The following PDZRN4 variants were observed in gnomAD, a reference collection of about 807,000 sequenced individuals.
PDZRN4 encodes the protein PDZ domain containing ring finger 4, also known as PDZ domain-containing RING finger protein 4.
PDZRN4 carries 70 observed loss-of-function variants against 99.0 expected under a neutral mutation model. The observed-to-expected ratio is 0.71, with a 90% confidence interval of 0.58 to 0.86. The LOEUF (loss-of-function observed/expected upper bound fraction) is 0.86, where lower values mean the gene tolerates loss of function less well. Ranked by LOEUF, PDZRN4 falls within the 40% of genes least tolerant of loss-of-function variation. PDZRN4 has a pLI of 0.00. For missense variants in PDZRN4, 1,474 were observed against 1,331.2 expected (o/e 1.11, Z -1.67); for synonymous variants, 551 against 501.6 (o/e 1.10, Z -1.32).
intron 5 of PDZRN4, among the ~76,000 whole-genome samples, chr12:41,512,590 G>A (rs1279954020): frequency 6.6e-6 from 1 of 152,030 alleles, no homozygotes; most frequent in African/African-American, 2.4e-5. Context: ...GTTTTGTGGA[G>A]CCTTTGGCTT....
chr12:41,425,554 GT>G (rs1388071609), intron 3 of PDZRN4, among the ~76,000 whole-genome samples: 1 of 151,996 alleles, frequency 6.6e-6, no homozygotes, highest in Admixed American at 6.6e-5. Context: ...ATATAATTGT[GT>G]TTTTCTCCAA....
Position 41,573,951 on chromosome 12 carries a change from T to G in PDZRN4, c.*61T>G, listed in dbSNP as rs1939533739. ...GGATGCTACCAGTTTCGGTAGAGTA[T>G]GATTGCCTCGTTCAATGTGGCGTTT... is the stretch of plus-strand genomic sequence containing the variant. On this transcript the variant is annotated 3_prime_UTR_variant, in exon 10 of 10. Transcript: ENST00000402685. The G allele has an allele frequency of 8.3e-7, 1 of 1,207,568 alleles. No individual in the cohort carries two copies. Among genetic ancestry groups the G allele is most frequent in the Non-Finnish European group, 1.1e-6 (1 of 872,666 alleles). 74.8% of individuals were successfully genotyped at this position (1,207,568 alleles called of 1,614,324 possible).
At chr12:41,569,375 T>C (rs1939436104) in intron 9 of PDZRN4, among the ~76,000 whole-genome samples, 1 of 151,020 alleles carries the variant, frequency 6.6e-6, no homozygotes, top group Non-Finnish European at 1.5e-5. Flanking sequence ...CAGCCTCAGC[T>C]TCTTAAAGTG....
intron 3 of PDZRN4, among the ~76,000 whole-genome samples, chr12:41,493,245 C>A (rs1937924475): frequency 6.6e-6 from 1 of 152,150 alleles, no homozygotes. Context: ...ATCGGAGATG[C>A]AAAGTAATTT....
chr12:41,276,473 G>A (rs1439502105), intron 3 of PDZRN4, among the ~76,000 whole-genome samples: 3 of 151,814 alleles, frequency 2.0e-5, no homozygotes, highest in Non-Finnish European at 4.4e-5. Flanking sequence ...ATATTTATAT[G>A]AAATATGAAT....
intron 3 of PDZRN4, among the ~76,000 whole-genome samples, chr12:41,499,227 T>A (rs185185030): frequency 1.1e-3 from 166 of 152,042 alleles, no homozygotes; most frequent in African/African-American, 3.9e-3. Flanking sequence ...ACAGTAGAGA[T>A]CCTGGGTGAG....
chr12:41,529,229 T>G (rs2608694), intron 5 of PDZRN4, among the ~76,000 whole-genome samples: 13 of 149,786 alleles, frequency 8.7e-5, no homozygotes, highest in African/African-American at 2.7e-4. Flanking sequence ...GTGTGTGTGT[T>G]TGTGTGTGTG....
At chr12:41,471,047 C>T (rs1952984758) in intron 3 of PDZRN4, among the ~76,000 whole-genome samples, 1 of 152,198 alleles carries the variant, frequency 6.6e-6, no homozygotes, top group South Asian at 2.1e-4. Context: ...CTCTACTTAG[C>T]AACACTCCTG....
intron 5 of PDZRN4, among the ~76,000 whole-genome samples, chr12:41,547,768 C>T (rs1306099918): frequency 6.6e-6 from 1 of 152,162 alleles, no homozygotes; most frequent in Non-Finnish European, 1.5e-5. Flanking sequence ...CATTTCCTCC[C>T]CCATTAACAG....
chr12:41,236,137 G>T (rs964483579), intron 3 of PDZRN4, among the ~76,000 whole-genome samples: 1 of 152,168 alleles, frequency 6.6e-6, no homozygotes, highest in Middle Eastern at 3.4e-3. Context: ...GCAATCTAGT[G>T]AATAAGAAAG....
chr12:41,502,222 C>A (rs11180969), intron 3 of PDZRN4, among the ~76,000 whole-genome samples: 4 of 152,066 alleles, frequency 2.6e-5, no homozygotes, highest in East Asian at 1.9e-4. Flanking sequence ...ATGGCACAAA[C>A]CTTTTCAGTT....
chr12:41,263,311 G>A, intron 3 of PDZRN4, among the ~76,000 whole-genome samples: 1 of 152,106 alleles, frequency 6.6e-6, no homozygotes, highest in Non-Finnish European at 1.5e-5. Flanking sequence ...CCAGCACTTT[G>A]GGTGGCCGAG....
At chr12:41,286,973 C>A (rs564994179) in intron 3 of PDZRN4, among the ~76,000 whole-genome samples, 53 of 152,076 alleles carry the variant, frequency 3.5e-4, no homozygotes, top group African/African-American at 1.2e-3. Context: ...TAATCAGTAT[C>A]GTTTTCTTCC....
At chr12:41,200,301 A>G (rs779986616) in intron 3 of PDZRN4, among the ~76,000 whole-genome samples, 7 of 152,132 alleles carry the variant, frequency 4.6e-5, no homozygotes, top group Non-Finnish European at 7.4e-5. Context: ...TCCTGTAAGT[A>G]TAAGTGTCAC....
At chr12:41,443,442 G>C (rs1250456941) in intron 3 of PDZRN4, among the ~76,000 whole-genome samples, 1 of 152,072 alleles carries the variant, frequency 6.6e-6, no homozygotes, top group Non-Finnish European at 1.5e-5. Context: ...AGACTCCCTG[G>C]GTATGGCCTG....
intron 3 of PDZRN4, among the ~76,000 whole-genome samples, chr12:41,449,437 A>G (rs933021668): frequency 6.6e-6 from 1 of 152,178 alleles, no homozygotes; most frequent in Non-Finnish European, 1.5e-5. Flanking sequence ...AAGGTGCATG[A>G]CTAAATACTA....
At chr12:41,287,874 T>C (rs979685346) in intron 3 of PDZRN4, among the ~76,000 whole-genome samples, 8 of 152,184 alleles carry the variant, frequency 5.3e-5, no homozygotes, top group African/African-American at 9.6e-5. Flanking sequence ...TTCTCCCTTA[T>C]GTAGCACTGA....
At chr12:41,571,914 G>T (rs1449984279) in intron 9 of PDZRN4, among the ~76,000 whole-genome samples, 2 of 152,152 alleles carry the variant, frequency 1.3e-5, no homozygotes, top group Non-Finnish European at 2.9e-5. Flanking sequence ...AGTTTCCTCT[G>T]TACTTAAGGG....
At chr12:41,272,731 G>T (rs538074625) in intron 3 of PDZRN4, among the ~76,000 whole-genome samples, 5 of 151,956 alleles carry the variant, frequency 3.3e-5, no homozygotes, top group Admixed American at 6.6e-5. Context: ...AAAAATATTT[G>T]CCAAGCTTGA....
Sources: gnomAD v4.1 joint callset for allele counts (sites outside exome capture counted in the v4.1 genomes callset) on GRCh38, gnomAD v4.1.1 for gene constraint, MANE v1.5 for transcripts, NCBI Gene and HGNC (gene_info 2026-07-23, HGNC 2026-07-21) for gene names.